Variants in CDH6 observed in about 807,000 individuals in gnomAD.
The protein encoded by CDH6 is cadherin-6.
A neutral mutation model predicts 78.0 loss-of-function variants in CDH6; 31 were observed. The ratio of observed to expected loss-of-function variants is 0.40; its 90% CI spans 0.30 to 0.54. The LOEUF is 0.54. CDH6 is among the 20% of genes least tolerant of loss of function. The pLI is 0.56. For synonymous variants in CDH6, 376 were observed against 368.8 expected (o/e 1.02, Z -0.23); for missense variants, 724 against 975.9 (o/e 0.74, Z 3.44).
intron 2 of CDH6, among the ~76,000 whole-genome samples, chr5:31,287,762 T>A (rs550725650): frequency 1.2e-4 from 18 of 152,274 alleles, no homozygotes; most frequent in African/African-American, 4.1e-4. Context: ...ATCCCCTGAG[T>A]TTCTGATTCT....
rs186673073 is a variant in CDH6 at position 31,236,484 on chromosome 5, G to T, written c.-128-30862G>T. Among the ~76,000 whole-genome samples, 299 of 152,270 alleles carry T rather than the reference G, an allele frequency of 2.0e-3. 8 individuals carry two copies. The highest frequency in any genetic ancestry group is 0.018 in the Admixed American group (268 of 15,300). ...AAAGGAGGCACATTTCTCTCCGATC[G>T]TCTTAGTTCCCCAAGGTGTCCTTCC... is the stretch of plus-strand genomic sequence containing the variant. On this transcript the variant is annotated intron_variant, in intron 1 of 11. Coordinates refer to ENST00000265071, the MANE Select transcript of CDH6 (RefSeq NM_004932.4).
chr5:31,225,620 C>A (rs536498840), intron 1 of CDH6, among the ~76,000 whole-genome samples: 4 of 152,172 alleles, frequency 2.6e-5, no homozygotes, highest in African/African-American at 9.6e-5. Context: ...GTGCTACACA[C>A]TTTTAAACAG....
intron 1 of CDH6, among the ~76,000 whole-genome samples, chr5:31,216,437 CA>C (rs1378916713): frequency 6.6e-6 from 1 of 151,836 alleles, no homozygotes; most frequent in Admixed American, 6.6e-5. Context: ...TACTGTATTA[CA>C]TATTATTTTA....
chr5:31,226,937 A>T (rs1741168679), intron 1 of CDH6, among the ~76,000 whole-genome samples: 1 of 152,198 alleles, frequency 6.6e-6, no homozygotes, highest in Non-Finnish European at 1.5e-5. Flanking sequence ...ATGTGAAGAA[A>T]GGTGGTCTCA....
chr5:31,264,638 T>A (rs1045370784), intron 1 of CDH6, among the ~76,000 whole-genome samples: 3 of 152,160 alleles, frequency 2.0e-5, no homozygotes, highest in African/African-American at 7.2e-5. Context: ...CACAGAGAAA[T>A]CTATCCCTCT....
At chr5:31,269,137 A>G (rs1360136240) in intron 2 of CDH6, among the ~76,000 whole-genome samples, 1 of 152,220 alleles carries the variant, frequency 6.6e-6, no homozygotes, top group African/African-American at 2.4e-5. Flanking sequence ...TTACAACACA[A>G]ATAGCATTGT....
At chr5:31,274,661 A>G (rs1742638755) in intron 2 of CDH6, among the ~76,000 whole-genome samples, 1 of 152,194 alleles carries the variant, frequency 6.6e-6, no homozygotes, top group South Asian at 2.1e-4. Flanking sequence ...CTCTACTAAA[A>G]ATACAAAAAT....
In CDH6 at chr5:31,235,079, G is replaced by A. The variant is rs531044151; in HGVS notation, c.-128-32267G>A. ...CCTATTTTAGATTTTGAGATACTGA[G>A]CGAGTTGCCAAATATCCAGCTGAGA... is the stretch of plus-strand genomic sequence containing the variant. On this transcript the variant is annotated intron_variant, in intron 1 of 11. Transcript: ENST00000265071. 3.9e-5 allele frequency among the ~76,000 whole-genome samples: 6 copies of A among 152,118 alleles called. No homozygotes were observed. The East Asian group carries it at 1.2e-3, about 29-fold the overall frequency.
intron 3 of CDH6, among the ~76,000 whole-genome samples, chr5:31,296,708 T>G (rs2149948948): frequency 1.3e-5 from 2 of 152,312 alleles, no homozygotes; most frequent in South Asian, 4.1e-4. Context: ...GTCACATTAC[T>G]TAAGTCCAAA....
chr5:31,303,455 C>T (rs1737889674), intron 6 of CDH6, among the ~76,000 whole-genome samples: 1 of 152,056 alleles, frequency 6.6e-6, no homozygotes, highest in Non-Finnish European at 1.5e-5. Context: ...TTTCCTGGTA[C>T]CTCTTTAGCT....
At chr5:31,322,516 T>G (rs933041746) in intron 11 of CDH6, among the ~76,000 whole-genome samples, 1 of 152,194 alleles carries the variant, frequency 6.6e-6, no homozygotes, top group Non-Finnish European at 1.5e-5. Flanking sequence ...CTTTTCTTTA[T>G]TATTTTTTTC....
At chr5:31,198,157 TCAACTCTTCCAACAAA>T (rs1225980344) in intron 1 of CDH6, among the ~76,000 whole-genome samples, 3 of 152,168 alleles carry the variant, frequency 2.0e-5, no homozygotes, top group African/African-American at 7.2e-5. Flanking sequence ...CAAGAAACTT[TCAACTCTTCCAACAAA>T]GAAAAGTTAT....
At chr5:31,284,110 C>T (rs142682814) in intron 2 of CDH6, among the ~76,000 whole-genome samples, 1 of 152,154 alleles carries the variant, frequency 6.6e-6, no homozygotes, top group African/African-American at 2.4e-5. Flanking sequence ...CCACCGTGCC[C>T]AGCCCTATTT....
intron 2 of CDH6, among the ~76,000 whole-genome samples, chr5:31,274,546 C>T (rs963767346): frequency 6.6e-6 from 1 of 152,190 alleles, no homozygotes; most frequent in Non-Finnish European, 1.5e-5. Flanking sequence ...TCGAGCTGGG[C>T]ATGTGGCTTA....
At position 31,317,665 on chromosome 5, in the gene CDH6, G is replaced by T. The variant is rs755426559; in HGVS notation, c.1631-8G>T. ...ACATACATTCACCACTTTGCTTTCCGGTTCCAGACAACACGGCGGGAATCT... is the reference window on the plus strand; with the variant it reads ...ACATACATTCACCACTTTGCTTTCCTGTTCCAGACAACACGGCGGGAATCT... On this transcript the variant is annotated splice_region_variant and splice_polypyrimidine_tract_variant and intron_variant, in intron 10 of 11. Transcript: ENST00000265071. 2.5e-6 allele frequency: 4 copies of T among 1,604,388 alleles called. No individual in the cohort carries two copies. The highest frequency in any genetic ancestry group is 1.7e-6 in the Non-Finnish European group (2 of 1,172,942).
rs1738662561 is a variant in CDH6, at chr5:31,328,381, A to T, written c.*5073A>T. On this transcript the variant is annotated 3_prime_UTR_variant, in exon 12 of 12. Coordinates refer to ENST00000265071, the MANE Select transcript of CDH6 (RefSeq NM_004932.4). ...TTCTCTAAGCTTTTAGTTTTCTATGATCTATTAGTTTAGTGTTTATTAAAG... is the reference window on the plus strand; with the variant it reads ...TTCTCTAAGCTTTTAGTTTTCTATGTTCTATTAGTTTAGTGTTTATTAAAG... 1 of 200,598 alleles carries T rather than the reference A, an allele frequency of 5.0e-6. No individual in the cohort carries two copies. Among genetic ancestry groups the T allele is most frequent in the South Asian group, 1.9e-4 (1 of 5,256 alleles). 12.4% of individuals were successfully genotyped at this position (200,598 alleles called of 1,614,324 possible).
At chr5:31,195,211 G>C (rs1740128968) in intron 1 of CDH6, among the ~76,000 whole-genome samples, 1 of 152,196 alleles carries the variant, frequency 6.6e-6, no homozygotes. Flanking sequence ...TTCCCTGCAA[G>C]AATGTTGCAG....
chr5:31,287,713 A>G (rs1743047198), intron 2 of CDH6, among the ~76,000 whole-genome samples: 1 of 152,202 alleles, frequency 6.6e-6, no homozygotes, highest in Non-Finnish European at 1.5e-5. Context: ...ACTCATCAGA[A>G]CTACCTAAGG....
chr5:31,200,906 AC>A, intron 1 of CDH6, among the ~76,000 whole-genome samples: 1 of 152,310 alleles, frequency 6.6e-6, no homozygotes. Context: ...AGAATGTGAG[AC>A]ACAGGAAGGA....
Sources: allele counts gnomAD v4.1 joint callset (sites outside exome capture counted in the v4.1 genomes callset), GRCh38; gene constraint gnomAD v4.1.1; transcripts MANE v1.5; gene names NCBI Gene and HGNC (gene_info 2026-07-23, HGNC 2026-07-21).